The following PIN4 variants were observed in gnomAD, a reference collection of about 807,000 sequenced individuals.
The protein encoded by PIN4 is peptidylprolyl cis/trans isomerase, NIMA-interacting 4.
PIN4 carries 3 observed loss-of-function variants against 8.3 expected under a neutral mutation model. The observed-to-expected ratio is 0.36, with a 90% CI of 0.16 to 0.93. The LOEUF is 0.93. Ranked by LOEUF, PIN4 falls within the 40% of genes least tolerant of loss-of-function variation. The probability of loss-of-function intolerance (pLI) is 0.44; values close to 1 mark genes in which losing one functional copy is unlikely to be tolerated. For synonymous variants in PIN4, 18 were observed against 32.5 expected, an observed-to-expected ratio of 0.55 and a Z score of 1.52; for missense variants, 75 against 100.6, an observed-to-expected ratio of 0.75 and a Z score of 1.09.
At chrX:72,254,638 A>G (rs2043101806) in intron 3 of PIN4, among the ~76,000 whole-genome samples, 1 of 112,250 alleles carries the variant, frequency 8.9e-6, no homozygotes, top group Admixed American at 9.5e-5. Context: ...TTGTTTTTCA[A>G]GTCCCTGAAG....
chrX:72,208,509 C>T (rs759849253), intron 3 of PIN4: 1 of 1,211,729 alleles, frequency 8.3e-7, no homozygotes, highest in South Asian at 1.8e-5. Context: ...GATAAAGTAG[C>T]AAGCCAGAGT....
intron 3 of PIN4, among the ~76,000 whole-genome samples, chrX:72,245,664 C>T (rs938885373): frequency 3.6e-5 from 4 of 111,678 alleles, no homozygotes; most frequent in Non-Finnish European, 7.5e-5. Context: ...CAGTCATCTC[C>T]AGCTCTGCCA....
At chrX:72,228,294 T>C (rs1450225960) in intron 3 of PIN4, among the ~76,000 whole-genome samples, 3 of 112,174 alleles carry the variant, frequency 2.7e-5, no homozygotes, top group Admixed American at 1.9e-4. Flanking sequence ...TATGTTCAAG[T>C]GCTATTTCTT....
chrX:72,213,297 C>T (rs1318953210), intron 3 of PIN4, among the ~76,000 whole-genome samples: 1 of 111,710 alleles, frequency 9.0e-6, no homozygotes, highest in Non-Finnish European at 1.9e-5. Flanking sequence ...GTAAAGAGGG[C>T]TCACTGAAAT....
rs184560578 is a variant in PIN4, at chrX:72,242,243, C to T, written c.313-20464C>T. 2.7e-4 allele frequency among the ~76,000 whole-genome samples: 30 copies of T among 112,522 alleles called. No individual in the cohort carries two copies. The East Asian group carries it at 5.6e-3, about 21-fold the overall frequency. On this transcript the variant is annotated intron_variant, in intron 3 of 3. Transcript: ENST00000423432. ...AGTGATGCCTAAAGGCCCTGATCACCGGGAAGGAAGGACCAACACTCGGCT... is the reference window on the plus strand; with the variant it reads ...AGTGATGCCTAAAGGCCCTGATCACTGGGAAGGAAGGACCAACACTCGGCT...
chrX:72,232,555 T>C (rs1461588642), intron 3 of PIN4, among the ~76,000 whole-genome samples: 2 of 111,758 alleles, frequency 1.8e-5, no homozygotes, highest in Non-Finnish European at 3.8e-5. Flanking sequence ...ACGCCTGTAA[T>C]CCCAGCACTT....
chrX:72,210,182 A>G lies in PIN4; in HGVS notation c.312+13278A>G, dbSNP rs746587645. On this transcript the variant is annotated intron_variant, in intron 3 of 3. Coordinates refer to the PIN4 transcript ENST00000423432. ...GGAGTTTAAGACTAGCCTGAATAACATAGCGAGACTGTCTCTTAAAAAATA... is the reference window on the plus strand; with the variant it reads ...GGAGTTTAAGACTAGCCTGAATAACGTAGCGAGACTGTCTCTTAAAAAATA... Among the ~76,000 whole-genome samples the G allele has an allele frequency of 4.0e-5, 3 of 74,212 alleles. No individual in the cohort carries two copies. The East Asian group carries it at 0.021, about 508-fold the overall frequency. 64.4% of individuals were successfully genotyped at this position (74,212 alleles called of 115,157 possible).
intron 2 of PIN4, among the ~76,000 whole-genome samples, chrX:72,193,535 A>G (rs147657758): frequency 0.026 from 2,894 of 110,683 alleles, 118 homozygotes; most frequent in African/African-American, 0.089. Flanking sequence ...AGTCTTTAAT[A>G]AAAAAGTTTA....
At chrX:72,208,185 C>T (rs768473946) in intron 3 of PIN4, 9 of 1,209,981 alleles carry the variant, frequency 7.4e-6, no homozygotes, top group Non-Finnish European at 1.0e-5. Context: ...TAACACCATT[C>T]CTTTGCTGAA....
At chrX:72,216,582 C>A (rs2042888357) in intron 3 of PIN4, among the ~76,000 whole-genome samples, 1 of 111,659 alleles carries the variant, frequency 9.0e-6, no homozygotes, top group Non-Finnish European at 1.9e-5. Flanking sequence ...CCATTTCTCC[C>A]ACCCCTCAGT....
rs774390230 is a variant in PIN4 at position 72,255,247 on chromosome X, G to A, written c.313-7460G>A. Among the ~76,000 whole-genome samples, 82 of 104,792 alleles carry A rather than the reference G, an allele frequency of 7.8e-4. No individual in the cohort carries two copies. The Middle Eastern group carries it at 0.015, about 19-fold the overall frequency. The allele number at this position is 104,792 out of a possible 115,157, so 91.0% of individuals were successfully genotyped here. A position where few individuals can be genotyped will look rare whatever the true frequency, so the allele number is the denominator to read the frequency against. On this transcript the variant is annotated intron_variant, in intron 3 of 3. Coordinates refer to the PIN4 transcript ENST00000423432. ...ATCACGCCACTGAACTCCAGCCTGG[G>A]CGACAGAGCAAGACCCCATCTCTAA... is the stretch of plus-strand genomic sequence containing the variant.
chrX:72,213,735 T>C (rs1474978245), intron 3 of PIN4, among the ~76,000 whole-genome samples: 1 of 112,042 alleles, frequency 8.9e-6, no homozygotes, highest in Non-Finnish European at 1.9e-5. Context: ...AGTTGCTGGG[T>C]TCCACGGTTC....
rs1243816445 is a variant in PIN4, at chrX:72,239,649, G to T, written c.313-23058G>T. On this transcript the variant is annotated intron_variant, in intron 3 of 3. Coordinates refer to the PIN4 transcript ENST00000423432. ...TAGCCGGGCGTGGTGGCGGGCGCCC[G>T]CAGTCCCAGCTACTCGGGTGGCTGA... is the stretch of plus-strand genomic sequence containing the variant. Among the ~76,000 whole-genome samples the T allele has an allele frequency of 2.7e-5, 3 of 109,492 alleles. No homozygotes were observed. The East Asian group carries it at 8.6e-4, about 32-fold the overall frequency.
intron 3 of PIN4, among the ~76,000 whole-genome samples, chrX:72,254,740 C>A (rs1003025602): frequency 8.9e-6 from 1 of 112,503 alleles, no homozygotes; most frequent in Admixed American, 9.4e-5. Flanking sequence ...CTCTCCTTGA[C>A]CTGCTGAGCT....
chrX:72,240,347 A>G (rs905474408), intron 3 of PIN4, among the ~76,000 whole-genome samples: 2 of 111,709 alleles, frequency 1.8e-5, no homozygotes, highest in Non-Finnish European at 3.8e-5. Context: ...TTGTGGGCCA[A>G]CAAAAATTGT....
At chrX:72,201,673 A>C (rs2147578710), downstream of PIN4, among the ~76,000 whole-genome samples, 1 of 112,813 alleles carries the variant, frequency 8.9e-6, no homozygotes, top group African/African-American at 3.2e-5. Flanking sequence ...AGGTCTAAAA[A>C]GCACTGTGAC....
In PIN4 at chrX:72,207,770, C is replaced by G. The variant is rs746565139; in HGVS notation, c.312+10866C>G. ...GGGTTGCTTGACTTTTTCTTCTGTA[C>G]GTCTTCTTTAGTCCTCCTGAGAAAA... On this transcript the variant is annotated intron_variant, in intron 3 of 3. Coordinates refer to the PIN4 transcript ENST00000423432. 2.5e-6 allele frequency: 3 copies of G among 1,209,009 alleles called. No homozygotes were observed. In the African/African-American group the frequency reaches 5.3e-5, roughly 21 times the overall value.
At chrX:72,244,552 G>A (rs746547146) in intron 3 of PIN4, among the ~76,000 whole-genome samples, 76 of 111,414 alleles carry the variant, frequency 6.8e-4, no homozygotes, top group Admixed American at 6.7e-4. Context: ...CCACAGGTAA[G>A]GGAACTGCCA....
chrX:72,185,925 T>A (rs975672789), intron 1 of PIN4, among the ~76,000 whole-genome samples: 2 of 112,564 alleles, frequency 1.8e-5, no homozygotes, highest in African/African-American at 6.5e-5. Flanking sequence ...CTTAGGAGTC[T>A]GCCCTCAGAA....
Sources: allele counts gnomAD v4.1 joint callset (sites outside exome capture counted in the v4.1 genomes callset), GRCh38; gene constraint gnomAD v4.1.1; transcripts MANE v1.5; gene names NCBI Gene and HGNC (gene_info 2026-07-23, HGNC 2026-07-21).